The following SLC39A8 variants were observed in gnomAD, a reference collection of about 807,000 sequenced individuals.
The protein encoded by SLC39A8 is solute carrier family 39 member 8, also known as metal cation symporter ZIP8.
A neutral mutation model predicts 40.4 loss-of-function variants in SLC39A8; 15 were observed. The ratio of observed to expected loss-of-function variants is 0.37; its 90% CI spans 0.25 to 0.57. SLC39A8 has a LOEUF of 0.57. SLC39A8 is among the 20% of genes least tolerant of loss of function. The probability of loss-of-function intolerance (pLI) is 0.75; values close to 1 mark genes in which losing one functional copy is unlikely to be tolerated. For synonymous variants in SLC39A8, 223 were observed against 221.6 expected (o/e 1.01, Z -0.06); for missense variants, 472 against 558.8 (o/e 0.84, Z 1.57).
chr4:102,259,061 CTCT>C (rs1451507210), downstream of SLC39A8, among the ~76,000 whole-genome samples: 1 of 152,226 alleles, frequency 6.6e-6, no homozygotes, highest in African/African-American at 2.4e-5. Flanking sequence ...GCCAGACCTC[CTCT>C]GAGCCTCTCT....
chr4:102,307,714 C>G (rs1734248419), intron 3 of SLC39A8, 109 bp from the exon 4 acceptor site: 1 of 1,109,646 alleles, frequency 9.0e-7, no homozygotes, highest in Non-Finnish European at 1.3e-6. Context: ...AGACACATAT[C>G]TTCTTTAAAA....
At chr4:102,253,560 A>G in intron 11 of SLC39A8, 2 of 473,252 alleles carry the variant, frequency 4.2e-6, no homozygotes, top group East Asian at 3.4e-5. Flanking sequence ...CTTTTTTAGA[A>G]TACATGTTCA....
intron 2 of SLC39A8, among the ~76,000 whole-genome samples, chr4:102,338,635 A>G (rs1446526576): frequency 6.6e-6 from 1 of 152,202 alleles, no homozygotes; most frequent in African/African-American, 2.4e-5. Context: ...CCTGTAGTTC[A>G]AAATCTAAGG....
intron 6 of SLC39A8, among the ~76,000 whole-genome samples, chr4:102,279,764 T>C (rs1732790089): frequency 6.6e-6 from 1 of 152,104 alleles, no homozygotes; most frequent in Non-Finnish European, 1.5e-5. Context: ...ACCAATATTT[T>C]AGTCAGGTTG....
At chr4:102,277,108 T>C (rs1269101548) in intron 6 of SLC39A8, among the ~76,000 whole-genome samples, 1 of 152,158 alleles carries the variant, frequency 6.6e-6, no homozygotes, top group Admixed American at 6.5e-5. Flanking sequence ...TCACCACTCC[T>C]ATTCAACATA....
chr4:102,302,532 C>T (rs533200864), intron 6 of SLC39A8, among the ~76,000 whole-genome samples: 4 of 152,108 alleles, frequency 2.6e-5, no homozygotes, highest in African/African-American at 9.6e-5. Context: ...AATTATTTTT[C>T]CCCACTACAA....
chr4:102,336,952 T>C (rs1735692788), intron 2 of SLC39A8, among the ~76,000 whole-genome samples: 1 of 151,944 alleles, frequency 6.6e-6, no homozygotes, highest in Non-Finnish European at 1.5e-5. Flanking sequence ...TAGCCTAGAG[T>C]TTAGTAACAT....
At chr4:102,296,903 C>T (rs7694296) in intron 6 of SLC39A8, among the ~76,000 whole-genome samples, 47,406 of 151,886 alleles carry the variant, frequency 0.31, 7,795 homozygotes, top group East Asian at 0.41. Context: ...TACTCACTTA[C>T]GTGTTAAACT....
At chr4:102,293,508 A>T (rs1452919791) in intron 6 of SLC39A8, among the ~76,000 whole-genome samples, 3 of 152,064 alleles carry the variant, frequency 2.0e-5, no homozygotes, top group Admixed American at 1.3e-4. Flanking sequence ...CAATACTGGG[A>T]GAATTCAGCA....
chr4:102,320,179 A>ACATATATG (rs1553916628), intron 2 of SLC39A8, among the ~76,000 whole-genome samples: 1 of 99,802 alleles, frequency 1.0e-5, no homozygotes, highest in African/African-American at 3.2e-5. Context: ...ATATATATAT[A>ACATATATG]TATATATATA....
At chr4:102,304,549 G>A in intron 5 of SLC39A8, 68 bp from the exon 6 acceptor site, 1 of 1,297,776 alleles carries the variant, frequency 7.7e-7, no homozygotes, top group African/African-American at 1.5e-5. Context: ...CAAGGAAATA[G>A]AGTTTACTGC....
intron 8 of SLC39A8, among the ~76,000 whole-genome samples, 180 bp from the exon 9 acceptor site, chr4:102,263,373 T>C (rs371674073): frequency 2.0e-5 from 3 of 152,206 alleles, no homozygotes; most frequent in Admixed American, 2.0e-4. Flanking sequence ...ATAATAGATA[T>C]ATTTGCATTA....
At position 102,307,399 on chromosome 4, in the gene SLC39A8, A is replaced by G. The variant is rs141678538; in HGVS notation, c.552+37T>C. ...CAAAGTGCTAAAACGTTCAAAAGAA[A>G]CAATTATTCACAGAAACAAATAGCC... On this transcript the variant is annotated intron_variant, in intron 4 of 8. Coordinates refer to ENST00000356736, the MANE Select transcript of SLC39A8 (RefSeq NM_001135146.2). 1.0e-4 allele frequency: 162 copies of G among 1,600,512 alleles called. 1 individual carries two copies. In the African/African-American group the frequency reaches 2.1e-3, roughly 20 times the overall value.
At chr4:102,297,725 T>C (rs150914945) in intron 6 of SLC39A8, among the ~76,000 whole-genome samples, 190 of 152,130 alleles carry the variant, frequency 1.2e-3, no homozygotes, top group East Asian at 9.9e-3. Flanking sequence ...AAGATCAGCC[T>C]GGGCAACATA....
chr4:102,326,502 A>C (rs1229485302), intron 2 of SLC39A8, among the ~76,000 whole-genome samples: 1 of 152,244 alleles, frequency 6.6e-6, no homozygotes, highest in African/African-American at 2.4e-5. Context: ...CAGAGCTTGC[A>C]GTGAGCCGAG....
At chr4:102,324,527 T>G (rs1428457623) in intron 2 of SLC39A8, among the ~76,000 whole-genome samples, 3 of 152,232 alleles carry the variant, frequency 2.0e-5, no homozygotes, top group African/African-American at 7.2e-5. Flanking sequence ...TTTGCAGCTA[T>G]GAACTTAAAC....
In SLC39A8 at chr4:102,344,801, C is replaced by T. The variant is rs1736099729; in HGVS notation, c.-139G>A. 1 of 1,321,482 alleles carries T rather than the reference C, an allele frequency of 7.6e-7. No homozygotes were observed. Among genetic ancestry groups the T allele is most frequent in the Non-Finnish European group, 9.6e-7 (1 of 1,040,474 alleles). The allele number at this position is 1,321,482 out of a possible 1,614,324, so 81.9% of individuals were successfully genotyped here. A position where few individuals can be genotyped will look rare whatever the true frequency, so the allele number is the denominator to read the frequency against. ...CGAGTCAGAGGTGGCGCGGGACGCCCCTGGTTCTCCGACGCCTTCGAAAGA... is the reference window on the plus strand; with the variant it reads ...CGAGTCAGAGGTGGCGCGGGACGCCTCTGGTTCTCCGACGCCTTCGAAAGA... On this transcript the variant is annotated 5_prime_UTR_variant, in exon 2 of 9. Transcript: ENST00000356736.
Position 102,263,078 on chromosome 4 carries a change from A to G in SLC39A8, c.1349T>C (p.Ile450Thr). Residue 450 changes from isoleucine (I) to threonine (T), a missense_variant, in exon 9 of 9, where the codon ATT becomes ACT. Transcript: ENST00000356736. ...MLTGFTAILL[I>T]TLYAGEIELE ...TTCGATTTCTCCTGCATACAAGGTA[A>G]TGAGTAGAATGGCTGTGAATCCAGT... 1 of 1,613,484 alleles carries G rather than the reference A, an allele frequency of 6.2e-7. No homozygotes were observed. Among genetic ancestry groups the G allele is most frequent in the Non-Finnish European group, 8.5e-7 (1 of 1,179,604 alleles).
intron 6 of SLC39A8, among the ~76,000 whole-genome samples, chr4:102,287,423 C>T (rs188059168): frequency 4.6e-5 from 7 of 152,176 alleles, no homozygotes; most frequent in Non-Finnish European, 1.0e-4. Flanking sequence ...CTGTTCTGCC[C>T]AACTGTATTA....
Sources: allele counts gnomAD v4.1 joint callset (sites outside exome capture counted in the v4.1 genomes callset), GRCh38; gene constraint gnomAD v4.1.1; transcripts MANE v1.5; gene names NCBI Gene and HGNC (gene_info 2026-07-23, HGNC 2026-07-21).